The following SPOCK3 variants were observed in gnomAD, a reference collection of about 807,000 sequenced individuals.
The protein encoded by SPOCK3 is testican-3.
In SPOCK3, 30 loss-of-function variants were observed where a neutral mutation model predicts 56.6. The observed-to-expected ratio is 0.53, with a 90% CI of 0.40 to 0.72. The LOEUF (loss-of-function observed/expected upper bound fraction) is 0.72, where lower values mean the gene tolerates loss of function less well. Among genes scored for constraint, SPOCK3 ranks in the 30% least tolerant of loss-of-function variants. The pLI, the probability that SPOCK3 is intolerant of heterozygous loss-of-function variation, is 0.00. For missense variants in SPOCK3, 527 were observed against 530.0 expected, an observed-to-expected ratio of 0.99 and a Z score of 0.06; for synonymous variants, 196 against 183.3, an observed-to-expected ratio of 1.07 and a Z score of -0.56.
At chr4:166,766,939 T>A (rs942315300) in intron 7 of SPOCK3, among the ~76,000 whole-genome samples, 1 of 151,876 alleles carries the variant, frequency 6.6e-6, no homozygotes, top group African/African-American at 2.4e-5. Context: ...GTCGAGGAAT[T>A]TATCCATTTC....
intron 6 of SPOCK3, among the ~76,000 whole-genome samples, chr4:166,880,759 C>T (rs1433033465): frequency 2.0e-5 from 3 of 152,148 alleles, no homozygotes; most frequent in Admixed American, 6.6e-5. Flanking sequence ...TTGAATCTAT[C>T]ATCTGCTTCC....
chr4:166,982,546 C>T (rs569460287), intron 4 of SPOCK3, among the ~76,000 whole-genome samples: 3 of 151,928 alleles, frequency 2.0e-5, no homozygotes, highest in South Asian at 2.1e-4. Context: ...AGCGAGACTC[C>T]GTCTCAGAAA....
intron 3 of SPOCK3, among the ~76,000 whole-genome samples, chr4:167,040,575 T>C (rs1753155153): frequency 6.6e-6 from 1 of 152,206 alleles, no homozygotes; most frequent in Non-Finnish European, 1.5e-5. Context: ...CAAAATACCT[T>C]TAATGAAATA....
intron 2 of SPOCK3, among the ~76,000 whole-genome samples, chr4:167,219,325 AG>A (rs1307317944): frequency 2.6e-5 from 4 of 152,202 alleles, no homozygotes; most frequent in Admixed American, 1.3e-4. Context: ...CCATGTGCCA[AG>A]GCAATTAGCA....
chr4:166,768,445 G>T (rs1738445588), intron 7 of SPOCK3, among the ~76,000 whole-genome samples: 1 of 152,094 alleles, frequency 6.6e-6, no homozygotes, highest in Non-Finnish European at 1.5e-5. Flanking sequence ...CTTCACTTAT[G>T]AAGCTAGTTT....
intron 3 of SPOCK3, among the ~76,000 whole-genome samples, chr4:167,010,037 C>G (rs977186718): frequency 1.3e-5 from 2 of 151,930 alleles, no homozygotes; most frequent in Non-Finnish European, 2.9e-5. Context: ...ACTACCAAAG[C>G]ACATTATGCT....
At chr4:166,869,142 G>A (rs1732187021) in intron 6 of SPOCK3, among the ~76,000 whole-genome samples, 2 of 134,784 alleles carry the variant, frequency 1.5e-5, no homozygotes, top group Non-Finnish European at 3.5e-5. Context: ...ACAAATGCCT[G>A]GGAGGACTCT....
At chr4:167,026,272 A>G (rs1196572906) in intron 3 of SPOCK3, among the ~76,000 whole-genome samples, 1 of 152,088 alleles carries the variant, frequency 6.6e-6, no homozygotes, top group African/African-American at 2.4e-5. Flanking sequence ...ACTTTATGTA[A>G]TTCAATAAAA....
At chr4:167,098,470 AATCT>A (rs1302060389) in intron 2 of SPOCK3, among the ~76,000 whole-genome samples, 3 of 151,984 alleles carry the variant, frequency 2.0e-5, no homozygotes, top group Non-Finnish European at 2.9e-5. Flanking sequence ...CTCTCCATCT[AATCT>A]ATCTATTATT....
At chr4:166,766,116 A>C (rs564723229) in intron 7 of SPOCK3, among the ~76,000 whole-genome samples, 2 of 152,274 alleles carry the variant, frequency 1.3e-5, no homozygotes, top group Admixed American at 1.3e-4. Context: ...CTAAATATAC[A>C]ATCATGTCAT....
chr4:167,019,714 A>G (rs1750988325), intron 3 of SPOCK3, among the ~76,000 whole-genome samples: 1 of 152,186 alleles, frequency 6.6e-6, no homozygotes, highest in South Asian at 2.1e-4. Flanking sequence ...TGTGTTAGGG[A>G]CTACTGAGCA....
intron 2 of SPOCK3, among the ~76,000 whole-genome samples, chr4:167,177,321 G>C (rs1479217788): frequency 6.6e-6 from 1 of 151,970 alleles, no homozygotes; most frequent in African/African-American, 2.4e-5. Flanking sequence ...GTTACGTTCT[G>C]AGCACTTTCC....
In SPOCK3 at chr4:166,797,233, C is replaced by CTTTTT. The variant is rs1028695610; in HGVS notation, c.590-4949_590-4945dup. Reference sequence around the variant, plus strand: ...TTAAGTGGCATGGATTTCCACCTTTCTTTTTTTTTTTTTTTTTTTTTGAGA... The same window carrying CTTTTT: ...TTAAGTGGCATGGATTTCCACCTTTCTTTTTTTTTTTTTTTTTTTTTTTTTTGAGA... On this transcript the variant is annotated intron_variant, in intron 6 of 10. Coordinates refer to ENST00000357545, the MANE Select transcript of SPOCK3 (RefSeq NM_001040159.2). 2.4e-3 allele frequency among the ~76,000 whole-genome samples: 193 copies of CTTTTT among 80,608 alleles called. 1 individual carries two copies. The highest frequency in any genetic ancestry group is 3.8e-3 in the East Asian group (9 of 2,372). 52.9% of individuals were successfully genotyped at this position (80,608 alleles called of 152,430 possible).
At chr4:167,206,674 A>G (rs955203978) in intron 2 of SPOCK3, among the ~76,000 whole-genome samples, 2 of 152,082 alleles carry the variant, frequency 1.3e-5, no homozygotes, top group Non-Finnish European at 2.9e-5. Context: ...AACACAATAA[A>G]ACTCCATCTT....
At chr4:166,940,409 G>C (rs577607045) in intron 4 of SPOCK3, among the ~76,000 whole-genome samples, 26 of 152,174 alleles carry the variant, frequency 1.7e-4, no homozygotes, top group East Asian at 1.4e-3. Flanking sequence ...ATCTGAGGCA[G>C]GATAGGGAGT....
intron 6 of SPOCK3, among the ~76,000 whole-genome samples, chr4:166,830,589 C>T (rs1424211382): frequency 1.3e-5 from 2 of 152,012 alleles, no homozygotes; most frequent in African/African-American, 4.8e-5. Context: ...ACCGAAAATA[C>T]AAAAATTAGT....
In SPOCK3 at chr4:166,930,555, A is replaced by G. The variant is rs181421993; in HGVS notation, c.351-17812T>C. Among the ~76,000 whole-genome samples the G allele has an allele frequency of 6.7e-3, 1,017 of 152,294 alleles. 3 individuals carry two copies. The highest frequency in any genetic ancestry group is 0.012 in the Non-Finnish European group (820 of 68,002). The stretch of plus-strand genomic sequence containing the variant: ...TCTTTAATAATTCTGCTGGCACCAT[A>G]AAAATGAGAAAAAAGCAACCTTTCA... On this transcript the variant is annotated intron_variant, in intron 4 of 10. Transcript: ENST00000357545.
At chr4:166,897,544 C>G (rs1427344735) in intron 5 of SPOCK3, among the ~76,000 whole-genome samples, 1 of 152,094 alleles carries the variant, frequency 6.6e-6, no homozygotes, top group Non-Finnish European at 1.5e-5. Context: ...CAAACTATGC[C>G]ACTGTGCATT....
At chr4:166,762,583 G>T (rs2318487) in intron 7 of SPOCK3, among the ~76,000 whole-genome samples, 29,968 of 152,066 alleles carry the variant, frequency 0.2, 3,623 homozygotes, top group South Asian at 0.3. Context: ...GGAGGATGCA[G>T]AAGTAGATGA....
Sources: gnomAD v4.1 joint callset for allele counts (sites outside exome capture counted in the v4.1 genomes callset) on GRCh38, gnomAD v4.1.1 for gene constraint, MANE v1.5 for transcripts, NCBI Gene and HGNC (gene_info 2026-07-23, HGNC 2026-07-21) for gene names.